BMAL1: variants seen among roughly 807,000 people sequenced by gnomAD.
BMAL1 encodes basic helix-loop-helix ARNT like 1.
At chr11:13,368,482 G>GT in the BMAL1 span, among the ~76,000 whole-genome samples, 4 of 152,222 alleles carry the variant, frequency 2.6e-5, no homozygotes, top group African/African-American at 7.2e-5. Flanking sequence ...TGGGGACACA[G>GT]TGAAGAGCTC....
the BMAL1 span, among the ~76,000 whole-genome samples, chr11:13,331,237 T>C: frequency 1.3e-5 from 2 of 152,124 alleles, no homozygotes; most frequent in African/African-American, 2.4e-5. Context: ...AACAGATTAG[T>C]TGAGTGGTAG....
chr11:13,365,668 T>A, the BMAL1 span: 7 of 1,213,016 alleles, frequency 5.8e-6, no homozygotes, highest in African/African-American at 9.0e-5. Flanking sequence ...TCAGAATAAT[T>A]ATAGTATACA....
At chr11:13,360,338 C>A in the BMAL1 span, 1 of 1,608,648 alleles carries the variant, frequency 6.2e-7, no homozygotes, top group Non-Finnish European at 8.5e-7. Flanking sequence ...CTCTTTTTGC[C>A]CCTAAGGTGC....
At chr11:13,278,044 A>T in the BMAL1 span, 1 of 151,408 alleles carries the variant, frequency 6.6e-6, no homozygotes, top group Non-Finnish European at 1.5e-5. Flanking sequence ...CCGCCGAAGA[A>T]CCCTGCCCGA....
chr11:13,354,144 G>A, the BMAL1 span, among the ~76,000 whole-genome samples: 5 of 152,092 alleles, frequency 3.3e-5, no homozygotes, highest in African/African-American at 1.2e-4. Context: ...TCTGGGTCCG[G>A]GGGTGTGAGA....
At chr11:13,369,026 C>T in the BMAL1 span, among the ~76,000 whole-genome samples, 1 of 152,196 alleles carries the variant, frequency 6.6e-6, no homozygotes, top group Non-Finnish European at 1.5e-5. Flanking sequence ...TTCAAGTGCT[C>T]AGTACCTGCA....
chr11:13,278,103 C>A, the BMAL1 span, among the ~76,000 whole-genome samples: 2 of 152,124 alleles, frequency 1.3e-5, no homozygotes, highest in African/African-American at 4.8e-5. Flanking sequence ...CCTGCCCCCA[C>A]CCGGGCCGTG....
At chr11:13,381,075 C>T in the BMAL1 span, 1 of 1,367,868 alleles carries the variant, frequency 7.3e-7, no homozygotes, top group Non-Finnish European at 1.0e-6. Context: ...TCTAGATCTT[C>T]ATCCCCTTTC....
chr11:13,360,518 C>CA, the BMAL1 span: 6 of 1,011,600 alleles, frequency 5.9e-6, no homozygotes, highest in Non-Finnish European at 1.4e-6. Context: ...CAACACTGAG[C>CA]TTTTTTTTTT....
the BMAL1 span, chr11:13,366,785 G>A: frequency 1.2e-6 from 2 of 1,611,104 alleles, no homozygotes; most frequent in Non-Finnish European, 1.7e-6. Context: ...TGCAAAAAGT[G>A]AGTACCAGAG....
At chr11:13,320,590 G>A in the BMAL1 span, among the ~76,000 whole-genome samples, 1,000 of 152,280 alleles carry the variant, frequency 6.6e-3, 6 homozygotes, top group Non-Finnish European at 0.012. Flanking sequence ...AAGGATATAC[G>A]AATTAATATT....
At chr11:13,373,177 C>T in the BMAL1 span, among the ~76,000 whole-genome samples, 1 of 152,154 alleles carries the variant, frequency 6.6e-6, no homozygotes, top group Admixed American at 6.5e-5. Context: ...CTAATCCAAC[C>T]TCCTTATTTT....
chr11:13,303,940 G>A, the BMAL1 span, among the ~76,000 whole-genome samples: 2 of 152,164 alleles, frequency 1.3e-5, no homozygotes, highest in Non-Finnish European at 2.9e-5. Context: ...GTGTTTAGCT[G>A]GAGGAAGAGC....
At chr11:13,384,786 T>G in the BMAL1 span, among the ~76,000 whole-genome samples, 1 of 152,364 alleles carries the variant, frequency 6.6e-6, no homozygotes, top group South Asian at 2.1e-4. Context: ...TATTTTTCAT[T>G]AAAATACTAT....
chr11:13,342,209 G>A, the BMAL1 span, among the ~76,000 whole-genome samples: 1 of 152,196 alleles, frequency 6.6e-6, no homozygotes, highest in Non-Finnish European at 1.5e-5. Flanking sequence ...CAGAATGCAT[G>A]GGGTCTGCGT....
the BMAL1 span, among the ~76,000 whole-genome samples, chr11:13,349,223 C>T: frequency 7.2e-5 from 11 of 152,330 alleles, no homozygotes; most frequent in Middle Eastern, 3.4e-3. Flanking sequence ...TTCTTTAGAC[C>T]GAGGAGCTCG....
chr11:13,284,080 GT>G, the BMAL1 span, among the ~76,000 whole-genome samples: 21 of 17,270 alleles, frequency 1.2e-3, 1 homozygote, highest in South Asian at 0.019. Context: ...GTGTTGGGGT[GT>G]GTGTGTGTGT....
the BMAL1 span, chr11:13,355,026 CACTT>C: frequency 2.3e-6 from 1 of 428,114 alleles, no homozygotes; most frequent in Non-Finnish European, 4.2e-6. Flanking sequence ...TAAATTTTCA[CACTT>C]ACAGTCATCC....
chr11:13,338,959 T>C, the BMAL1 span, among the ~76,000 whole-genome samples: 5 of 152,208 alleles, frequency 3.3e-5, no homozygotes, highest in Non-Finnish European at 5.9e-5. Flanking sequence ...TGGTGTCACC[T>C]AGACATCTCA....
Sources: allele counts gnomAD v4.1 joint callset (sites outside exome capture counted in the v4.1 genomes callset), GRCh38; gene constraint gnomAD v4.1.1; transcripts MANE v1.5; gene names NCBI Gene and HGNC (gene_info 2026-07-23, HGNC 2026-07-21).